The following PPP1R7 variants were observed in gnomAD, a reference collection of about 807,000 sequenced individuals.
PPP1R7 encodes the protein protein phosphatase 1 regulatory subunit 22.
PPP1R7 carries 18 observed loss-of-function variants against 45.2 expected under a neutral mutation model. That is an observed-to-expected ratio of 0.40 (90% CI 0.28 to 0.59). PPP1R7 has a LOEUF of 0.59. Ranked by LOEUF, PPP1R7 falls within the 20% of genes least tolerant of loss-of-function variation. PPP1R7 has a pLI of 0.46. For synonymous variants in PPP1R7, 181 were observed against 183.4 expected (o/e 0.99, Z 0.11); for missense variants, 314 against 455.8 (o/e 0.69, Z 2.83).
At chr2:241,168,834 G>C (rs2268898) in intron 8 of PPP1R7, among the ~76,000 whole-genome samples, 3,628 of 152,304 alleles carry the variant, frequency 0.024, 281 homozygotes, top group East Asian at 0.21. Flanking sequence ...CAGGGGAGAT[G>C]GGGGGAGGAG....
At chr2:241,165,886 C>T (rs1181923364) in intron 7 of PPP1R7, among the ~76,000 whole-genome samples, 11 of 151,130 alleles carry the variant, frequency 7.3e-5, no homozygotes, top group Non-Finnish European at 1.5e-4. Flanking sequence ...CGTGAGCCAC[C>T]GTGCCCAGCC....
intron 9 of PPP1R7, among the ~76,000 whole-genome samples, chr2:241,182,208 A>G (rs552424968): frequency 3.3e-5 from 5 of 152,322 alleles, no homozygotes; most frequent in African/African-American, 9.6e-5. Context: ...AATTTACAGA[A>G]GAGTTGAGAG....
chr2:241,178,062 A>G (rs2067937180), intron 9 of PPP1R7, among the ~76,000 whole-genome samples: 1 of 152,212 alleles, frequency 6.6e-6, no homozygotes, highest in Non-Finnish European at 1.5e-5. Context: ...CGCCCTGCAC[A>G]AGCAGCCTGT....
chr2:241,179,209 T>C (rs1451280047), intron 9 of PPP1R7, among the ~76,000 whole-genome samples: 2 of 152,138 alleles, frequency 1.3e-5, no homozygotes, highest in Non-Finnish European at 2.9e-5. Context: ...CTGAGATTAC[T>C]GGGAAGGATG....
intron 4 of PPP1R7, 40 bp downstream of exon 4, chr2:241,158,589 A>G (rs376736561): frequency 2.4e-5 from 37 of 1,572,096 alleles, no homozygotes; most frequent in Middle Eastern, 1.7e-4. Context: ...ACGCTCACCC[A>G]TAGGATGTGG....
chr2:241,158,613 C>G, intron 4 of PPP1R7, 64 bp downstream of exon 4: 3 of 1,512,416 alleles, frequency 2.0e-6, no homozygotes, highest in Non-Finnish European at 2.8e-6. Flanking sequence ...AGTCCAGAAT[C>G]GAGCAGTCAG....
At chr2:241,159,114 T>C in intron 4 of PPP1R7, 99 bp from the exon 5 acceptor site, 1 of 1,392,934 alleles carries the variant, frequency 7.2e-7, no homozygotes. Flanking sequence ...GACATGTCCT[T>C]CTACCAGAAA....
chr2:241,168,047 T>G (rs1394267707), intron 8 of PPP1R7, among the ~76,000 whole-genome samples: 1 of 152,194 alleles, frequency 6.6e-6, no homozygotes, highest in Non-Finnish European at 1.5e-5. Flanking sequence ...CTAGAATATG[T>G]TTGCAGTGGT....
intron 9 of PPP1R7, among the ~76,000 whole-genome samples, chr2:241,176,676 G>T (rs2067912647): frequency 6.6e-6 from 1 of 152,086 alleles, no homozygotes; most frequent in African/African-American, 2.4e-5. Context: ...GGCCAGGCTG[G>T]TCTTGAACTC....
intron 9 of PPP1R7, among the ~76,000 whole-genome samples, chr2:241,173,227 A>G (rs943307163): frequency 1.3e-4 from 18 of 142,444 alleles, no homozygotes; most frequent in Non-Finnish European, 1.3e-4. Flanking sequence ...AGCCAAGATC[A>G]TGCCACTGTA....
intron 7 of PPP1R7, among the ~76,000 whole-genome samples, chr2:241,163,755 C>T (rs1173271936): frequency 6.6e-6 from 1 of 152,076 alleles, no homozygotes; most frequent in Non-Finnish European, 1.5e-5. Context: ...AGGCATGCAC[C>T]ACGACCTTCA....
At chr2:241,151,635 G>C (rs2067309388) in intron 1 of PPP1R7, 1 of 455,692 alleles carries the variant, frequency 2.2e-6, no homozygotes. Context: ...TACCCTTTGA[G>C]TCTTTTTAAG....
At chr2:241,163,918 C>CT (rs34964698) in intron 7 of PPP1R7, among the ~76,000 whole-genome samples, 87 of 140,298 alleles carry the variant, frequency 6.2e-4, no homozygotes, top group African/African-American at 1.2e-3. Context: ...CGTGGCCTTT[C>CT]TTTTTTTTTT....
chr2:241,151,213 A>T (rs1198743529), intron 1 of PPP1R7, among the ~76,000 whole-genome samples: 1 of 152,226 alleles, frequency 6.6e-6, no homozygotes, highest in Admixed American at 6.5e-5. Context: ...CACGTACAGT[A>T]TGTGTGTAAA....
rs2125489076 is a variant in PPP1R7, at chr2:241,160,334, T to G, written c.437T>G (p.Ile146Ser). 1 of 1,594,426 alleles carries G rather than the reference T, an allele frequency of 6.3e-7. No homozygotes were observed. Among genetic ancestry groups the G allele is most frequent in the Non-Finnish European group, 8.5e-7 (1 of 1,174,644 alleles). Residue 146 changes from isoleucine (I) to serine (S), a missense_variant and splice_region_variant, in exon 6 of 10, where the codon ATT (isoleucine) becomes AGT (serine). This residue lies in a region of PPP1R7 where 168 missense variants were observed against 285.3 expected (regional missense o/e 0.59). Coordinates refer to ENST00000234038, the MANE Select transcript of PPP1R7 (RefSeq NM_002712.3). The part of the protein sequence containing the change: ...ENLEALTELE[I>S]LDISFNLLRN... ...AAAACTGTTTTGGTTGTTCTCAGGA[T>G]TCTAGATATTTCTTTTAATCTGCTG...
intron 3 of PPP1R7, 93 bp downstream of exon 3, chr2:241,157,955 A>T: frequency 7.4e-7 from 1 of 1,350,378 alleles, no homozygotes; most frequent in Admixed American, 1.9e-5. Flanking sequence ...TTCCCTAGAG[A>T]GGTGGCCTAA....
At chr2:241,167,067 G>T in intron 8 of PPP1R7, 1 of 1,611,856 alleles carries the variant, frequency 6.2e-7, no homozygotes, top group African/African-American at 1.3e-5. Context: ...CTCACGTACT[G>T]AGGGGAAGTG....
At chr2:241,158,587 C>G in intron 4 of PPP1R7, 38 bp downstream of exon 4, 1 of 1,575,138 alleles carries the variant, frequency 6.3e-7, no homozygotes, top group Non-Finnish European at 8.7e-7. Context: ...TGACGCTCAC[C>G]CATAGGATGT....
intron 9 of PPP1R7, 141 bp downstream of exon 9, chr2:241,170,008 G>A (rs759879556): frequency 9.4e-5 from 62 of 661,548 alleles, no homozygotes; most frequent in Admixed American, 5.1e-4. Context: ...TGGGGTGGGC[G>A]CTCTTGTAGA....
Sources: allele counts gnomAD v4.1 joint callset (sites outside exome capture counted in the v4.1 genomes callset), GRCh38; gene constraint gnomAD v4.1.1; regional missense constraint gnomAD v4.1.1; transcripts MANE v1.5; gene names NCBI Gene and HGNC (gene_info 2026-07-23, HGNC 2026-07-21).